The following KCNA6 variants were observed in gnomAD, a reference collection of about 807,000 sequenced individuals.
KCNA6 encodes human brain potassium channel-2.
A neutral mutation model predicts 29.5 loss-of-function variants in KCNA6; 17 were observed. The ratio of observed to expected loss-of-function variants is 0.58; its 90% CI spans 0.39 to 0.86. The LOEUF (loss-of-function observed/expected upper bound fraction) is 0.86, where lower values mean the gene tolerates loss of function less well. Ranked by LOEUF, KCNA6 falls within the 40% of genes least tolerant of loss-of-function variation. KCNA6 has a pLI of 0.00. For missense variants in KCNA6, 450 were observed against 703.4 expected (o/e 0.64, Z 4.07); for synonymous variants, 296 against 304.7 (o/e 0.97, Z 0.30).
chr12:4,839,136 G>A, the KCNA6 span: 1 of 152,200 alleles, frequency 6.6e-6, no homozygotes, highest in African/African-American at 2.4e-5. Flanking sequence ...AAAGCTTAAG[G>A]AAGACTTGGT....
At chr12:4,842,649 C>G in the KCNA6 span, 1 of 152,286 alleles carries the variant, frequency 6.6e-6, no homozygotes, top group East Asian at 1.9e-4. Context: ...AAGTGCTACA[C>G]ACTTTCAAAC....
downstream of KCNA6, among the ~76,000 whole-genome samples, chr12:4,815,183 C>T (rs956576293): frequency 6.6e-6 from 1 of 152,182 alleles, no homozygotes; most frequent in Non-Finnish European, 1.5e-5. Context: ...CTCCCTCTCT[C>T]CACCTTTTCA....
In KCNA6 at chr12:4,810,419, G is replaced by T. The variant is rs199845275; in HGVS notation, c.378G>T (p.Leu126=). ...TGGAGGAGATCCGCTTCTACCAGCT[G>T]GGGGACGAGGCCCTGGCGGCCTTCC... Residue 126 remains leucine (L), a synonymous_variant, in exon 1 of 1, where the codon CTG becomes CTT. Transcript: ENST00000280684. The surrounding 1 kb of genome is among the most constrained non-coding windows in gnomAD (Gnocchi z 7.5). 1 of 1,614,144 alleles carries T rather than the reference G, an allele frequency of 6.2e-7. No homozygotes were observed. Among genetic ancestry groups the T allele is most frequent in the Non-Finnish European group, 8.5e-7 (1 of 1,179,996 alleles).
the KCNA6 span, among the ~76,000 whole-genome samples, chr12:4,841,259 A>T: frequency 6.6e-6 from 1 of 152,188 alleles, no homozygotes; most frequent in Non-Finnish European, 1.5e-5. Flanking sequence ...AGCCAGTATC[A>T]CCATCTTTTC....
At position 4,810,785 on chromosome 12, in the gene KCNA6, C is replaced by T; in HGVS notation, c.744C>T (p.Ser248=). 6.3e-7 allele frequency: 1 copy of T among 1,594,034 alleles called. No individual in the cohort carries two copies. The highest frequency in any genetic ancestry group is 1.7e-4 in the Middle Eastern group (1 of 5,946). The change falls in exon 1 of 1, where the codon TCC becomes TCT. Residue 248 remains serine, a synonymous_variant. Transcript: ENST00000280684. The surrounding 1 kb of genome is among the most constrained non-coding windows in gnomAD (Gnocchi z 7.5). Reference sequence around the variant, plus strand: ...CTGGGGAAATGGGGACCGGGGGCTCCTCCTCACTCAGTACTCTTGGGGGCT... The same window carrying T: ...CTGGGGAAATGGGGACCGGGGGCTCTTCCTCACTCAGTACTCTTGGGGGCT...
the KCNA6 span, among the ~76,000 whole-genome samples, chr12:4,825,133 C>G: frequency 6.6e-6 from 1 of 152,208 alleles, no homozygotes; most frequent in Non-Finnish European, 1.5e-5. Context: ...ACATCTCCTG[C>G]TGCACTTTAA....
chr12:4,846,672 C>G, the KCNA6 span, among the ~76,000 whole-genome samples: 1 of 151,910 alleles, frequency 6.6e-6, no homozygotes, highest in African/African-American at 2.4e-5. Flanking sequence ...GCACCAGGCT[C>G]TCTCTCACCT....
At chr12:4,819,729 T>C in the KCNA6 span, among the ~76,000 whole-genome samples, 1 of 152,236 alleles carries the variant, frequency 6.6e-6, no homozygotes, top group East Asian at 1.9e-4. Context: ...GTGACGTGGC[T>C]GCCCTCATGG....
the KCNA6 span, among the ~76,000 whole-genome samples, chr12:4,826,360 A>G: frequency 6.6e-6 from 1 of 152,122 alleles, no homozygotes; most frequent in Non-Finnish European, 1.5e-5. Context: ...TCCTTCTTCC[A>G]TGGTGTCCCT....
In KCNA6 at chr12:4,811,223, C is replaced by G; in HGVS notation, c.1182C>G (p.Val394=). Residue 394 remains valine (V), a synonymous_variant, in exon 1 of 1, where the codon GTC becomes GTG. Coordinates refer to ENST00000280684, the Ensembl canonical transcript of KCNA6. This position sits in a 1 kb window ranked among gnomAD's most constrained non-coding sequence, Gnocchi z 7.1. ...GGGTCATCCTCTTCTCCAGTGCCGTCTACTTCGCAGAGGCTGACGATGACG... is the reference window on the plus strand; with the variant it reads ...GGGTCATCCTCTTCTCCAGTGCCGTGTACTTCGCAGAGGCTGACGATGACG... 1.2e-6 allele frequency: 2 copies of G among 1,614,266 alleles called. No individual in the cohort carries two copies.
chr12:4,828,183 T>G, the KCNA6 span, among the ~76,000 whole-genome samples: 1 of 152,128 alleles, frequency 6.6e-6, no homozygotes, highest in Non-Finnish European at 1.5e-5. Context: ...TAACTTTGTC[T>G]ATGTCTGTAT....
chr12:4,846,756 G>A, the KCNA6 span, among the ~76,000 whole-genome samples: 1 of 145,386 alleles, frequency 6.9e-6, no homozygotes, highest in Non-Finnish European at 1.5e-5. Flanking sequence ...CCACTGTCCT[G>A]GAACACCTCT....
At chr12:4,837,272 A>G in the KCNA6 span, among the ~76,000 whole-genome samples, 5 of 152,226 alleles carry the variant, frequency 3.3e-5, no homozygotes, top group Admixed American at 2.6e-4. Flanking sequence ...TCTCTTCTCC[A>G]TACCTTGCCC....
chr12:4,832,253 G>T, the KCNA6 span, among the ~76,000 whole-genome samples: 1 of 151,954 alleles, frequency 6.6e-6, no homozygotes, highest in Non-Finnish European at 1.5e-5. Context: ...CTGGCAATGT[G>T]AAAAAAACAA....
the KCNA6 span, among the ~76,000 whole-genome samples, chr12:4,820,761 G>T: frequency 4.6e-5 from 7 of 152,262 alleles, no homozygotes; most frequent in Non-Finnish European, 8.8e-5. Context: ...CCAGCTTCTG[G>T]ATTTTTAAGG....
the KCNA6 span, chr12:4,839,384 A>G: frequency 6.6e-6 from 1 of 152,216 alleles, no homozygotes; most frequent in Non-Finnish European, 1.5e-5. Context: ...TCTCTTCCTT[A>G]TTATTTTCCT....
the KCNA6 span, among the ~76,000 whole-genome samples, chr12:4,820,729 A>G: frequency 2.0e-5 from 3 of 152,134 alleles, no homozygotes; most frequent in African/African-American, 7.2e-5. Flanking sequence ...GAGCCTAGCT[A>G]GAGAAGCCCA....
the KCNA6 span, among the ~76,000 whole-genome samples, chr12:4,836,508 ATGGC>A: frequency 6.6e-5 from 10 of 152,232 alleles, no homozygotes; most frequent in Non-Finnish European, 1.5e-5. Flanking sequence ...AATAAAAGAA[ATGGC>A]TTGAACAAAG....
At chr12:4,820,013 C>T in the KCNA6 span, among the ~76,000 whole-genome samples, 1 of 152,158 alleles carries the variant, frequency 6.6e-6, no homozygotes, top group Non-Finnish European at 1.5e-5. Flanking sequence ...AACACCCATC[C>T]GAGAGTGGGG....
Sources: gnomAD v4.1 joint callset for allele counts (sites outside exome capture counted in the v4.1 genomes callset) on GRCh38, gnomAD v4.1.1 for gene constraint, Gnocchi (gnomAD v3.1) non-coding constraint, MANE v1.5 for transcripts, NCBI Gene and HGNC (gene_info 2026-07-23, HGNC 2026-07-21) for gene names.